Variants in KIF19 observed in about 807,000 individuals in gnomAD.
The protein encoded by KIF19 is kinesin-like protein KIF19.
Under a neutral mutation model 106.6 loss-of-function variants are expected in KIF19, and 98 were observed. The observed-to-expected ratio is 0.92, with a 90% CI of 0.78 to 1.09. The LOEUF is 1.09. Ranked by LOEUF, KIF19 falls within the 50% of genes least tolerant of loss-of-function variation. The pLI is 0.00. For synonymous variants in KIF19, 516 were observed against 584.2 expected, an observed-to-expected ratio of 0.88 and a Z score of 1.68; for missense variants, 1,373 against 1,414.3, an observed-to-expected ratio of 0.97 and a Z score of 0.47.
At chr17:74,342,401 C>T (rs73364525) in intron 3 of KIF19, among the ~76,000 whole-genome samples, 2,402 of 152,246 alleles carry the variant, frequency 0.016, 63 homozygotes, top group African/African-American at 0.055. Context: ...GGGCCAGGAG[C>T]CAGCTGCGCA....
At chr17:74,329,501 C>T (rs887839536) in intron 2 of KIF19, 2 of 147,326 alleles carry the variant, frequency 1.4e-5, no homozygotes, top group African/African-American at 5.0e-5. Flanking sequence ...GAGCTGAAAA[C>T]ATAAGGGGTG....
chr17:74,342,977 T>TGCCAAC, intron 4 of KIF19, 47 bp from the exon 5 acceptor site: 1 of 1,527,892 alleles, frequency 6.5e-7, no homozygotes, highest in Non-Finnish European at 8.8e-7. Flanking sequence ...CAGCAAGGCC[T>TGCCAAC]CCCTCCCAGC....
At chr17:74,342,576 C>T in intron 3 of KIF19, 54 bp from the exon 4 acceptor site, 1 of 1,382,252 alleles carries the variant, frequency 7.2e-7, no homozygotes, top group Non-Finnish European at 1.0e-6. Context: ...CCAGTGGGTG[C>T]CTGTGCTGTG....
rs778963923 is a variant in KIF19, at chr17:74,346,564, G to A, written c.924+40G>A. The A allele has an allele frequency of 1.5e-5, 23 of 1,534,042 alleles. No homozygotes were observed. Among genetic ancestry groups the A allele is most frequent in the Non-Finnish European group, 1.9e-5 (22 of 1,133,894 alleles). On this transcript the variant is annotated intron_variant, in intron 8 of 19. Coordinates refer to ENST00000389916, the MANE Select transcript of KIF19 (RefSeq NM_153209.4). This position sits in a 1 kb window ranked among gnomAD's most constrained non-coding sequence, Gnocchi z 4.6. ...TGGGCCTGGGCACTGGGCACCAAGG[G>A]TGAGGCTGCCAGATTAAACAAATGA...
Position 74,331,847 on chromosome 17 carries a change from G to A in KIF19, c.120+3342G>A, listed in dbSNP as rs924142098. ...CCGCCTCAGCCTCCCAAACTGTTGG[G>A]ATTACAGGTGTGAGCCACTGTGCCC... is the stretch of plus-strand genomic sequence containing the variant. On this transcript the variant is annotated intron_variant, in intron 2 of 19. Transcript: ENST00000389916. The surrounding 1 kb of genome is among the most constrained non-coding windows in gnomAD (Gnocchi z 4.1). Among the ~76,000 whole-genome samples the A allele has an allele frequency of 6.6e-6, 1 of 152,164 alleles. No homozygotes were observed. The highest frequency in any genetic ancestry group is 1.5e-5 in the Non-Finnish European group (1 of 68,030).
rs1598388758 is a variant in KIF19, at chr17:74,345,025, T to C, written c.777+70T>C. On this transcript the variant is annotated intron_variant, in intron 7 of 19. Transcript: ENST00000389916. ...AGGCAACAGCGGAGGGCAGGAATGGTGACTCCCATGCAAGGCCAGCACCAC... is the reference window on the plus strand; with the variant it reads ...AGGCAACAGCGGAGGGCAGGAATGGCGACTCCCATGCAAGGCCAGCACCAC... 4.3e-6 allele frequency: 6 copies of C among 1,410,444 alleles called. 1 individual carries two copies. The highest frequency in any genetic ancestry group is 2.4e-4 in the Middle Eastern group (1 of 4,086). 87.4% of individuals were successfully genotyped at this position (1,410,444 alleles called of 1,614,324 possible).
chr17:74,328,585 G>A (rs1359315771), intron 2 of KIF19, 80 bp downstream of exon 2: 6 of 1,217,274 alleles, frequency 4.9e-6, no homozygotes, highest in South Asian at 4.0e-5. Flanking sequence ...GGCAGAAAGG[G>A]CCCCTGTGGC....
intron 2 of KIF19, among the ~76,000 whole-genome samples, chr17:74,332,203 TGTGTGTTTGTGTGTG>T (rs2054107037): frequency 5.3e-5 from 3 of 56,608 alleles, no homozygotes; most frequent in Non-Finnish European, 9.7e-5. Context: ...TGTGTGTGTG[TGTGTGTTTGTGTGTG>T]TGTGTGTGTG....
intron 15 of KIF19, 59 bp downstream of exon 15, chr17:74,353,013 C>G: frequency 1.3e-6 from 2 of 1,597,352 alleles, no homozygotes; most frequent in South Asian, 1.1e-5. Flanking sequence ...GAGAGGCCAA[C>G]CCAGACTAAG....
At chr17:74,330,902 C>T (rs370807517) in intron 2 of KIF19, among the ~76,000 whole-genome samples, 1 of 152,134 alleles carries the variant, frequency 6.6e-6, no homozygotes, top group East Asian at 1.9e-4. Flanking sequence ...GGGCTTCTGG[C>T]CCTAAGCTCC....
At position 74,343,126 on chromosome 17, in the gene KIF19, A is replaced by G. The variant is rs1028450575; in HGVS notation, c.422A>G (p.Asp141Gly). ...CGTGCCATCGAGGAGACCAGCAATGACATGGAGTATGAGGTCTCCATGTCC... is the reference window on the plus strand; with the variant it reads ...CGTGCCATCGAGGAGACCAGCAATGGCATGGAGTATGAGGTCTCCATGTCC... ...LFRAIEETSN[D>G]MEYEVSMSYL... The change falls in exon 5 of 20, where the codon GAC becomes GGC. Residue 141 changes from aspartate (D) to glycine (G), a missense_variant. Asp to Gly is a moderately conservative substitution (Grantham distance 94, BLOSUM62 -1). Transcript: ENST00000389916. 2.0e-5 allele frequency: 33 copies of G among 1,612,952 alleles called. No individual in the cohort carries two copies. Among genetic ancestry groups the G allele is most frequent in the Non-Finnish European group, 2.5e-5 (30 of 1,179,810 alleles).
Position 74,344,788 on chromosome 17 carries a change from C to A in KIF19, c.610C>A (p.Arg204=). 6.8e-6 allele frequency: 11 copies of A among 1,609,894 alleles called. No homozygotes were observed. Among genetic ancestry groups the A allele is most frequent in the Non-Finnish European group, 7.6e-6 (9 of 1,177,518 alleles). The change falls in exon 7 of 20, where the codon CGG becomes AGG. Residue 204 remains arginine, a synonymous_variant. Coordinates refer to ENST00000389916, the MANE Select transcript of KIF19 (RefSeq NM_153209.4). ...CATGCAGCTGCTGATGAAGGGGAAC[C>A]GGCAGAGGACCCAGGAGCCCACGGC... ...EIMQLLMKGN[R]QRTQEPTAAN...
chr17:74,343,566 G>A (rs1439853105), intron 5 of KIF19, among the ~76,000 whole-genome samples: 1 of 152,186 alleles, frequency 6.6e-6, no homozygotes, highest in African/African-American at 2.4e-5. Context: ...CAGCCTCCTG[G>A]TGCCCACCCC....
intron 9 of KIF19, 94 bp downstream of exon 9, chr17:74,347,993 A>C: frequency 1.4e-6 from 2 of 1,405,698 alleles, no homozygotes; most frequent in Non-Finnish European, 1.9e-6. Flanking sequence ...CACTCTCTGG[A>C]ACCAGCCACT....
Position 74,341,868 on chromosome 17 carries a change from C to G in KIF19, c.121-8C>G, listed in dbSNP as rs1473568936. 1.2e-6 allele frequency: 2 copies of G among 1,609,904 alleles called. No homozygotes were observed. The highest frequency in any genetic ancestry group is 1.7e-6 in the Non-Finnish European group (2 of 1,176,436). ...GTGACCGTGGGCCTCCCTCTGGGGA[C>G]CTTGCAGATGGTGGTTCTCATGGAC... is the stretch of plus-strand genomic sequence containing the variant. On this transcript the variant is annotated splice_polypyrimidine_tract_variant and splice_region_variant and intron_variant, in intron 2 of 19. Coordinates refer to ENST00000389916, the MANE Select transcript of KIF19 (RefSeq NM_153209.4).
rs770638270 is a variant in KIF19 at position 74,344,867 on chromosome 17, A to T, written c.689A>T (p.Gln230Leu). The change falls in exon 7 of 20, where the codon CAG (glutamine) becomes CTG (leucine). Residue 230 changes from glutamine (Q) to leucine (L), a missense_variant. Gln to Leu is a moderately radical substitution (Grantham distance 113). This residue lies in a region of KIF19 where 348 missense variants were observed against 389.5 expected (regional missense o/e 0.89). Coordinates refer to ENST00000389916, the MANE Select transcript of KIF19 (RefSeq NM_153209.4). ...GCGGTACTGCAGGTGACCGTGCGCC[A>T]GCGCAGCCGGGTCAAGAACATCTTG... Reference protein sequence around the residue: ...SHAVLQVTVRQRSRVKNILQE... With the variant: ...SHAVLQVTVRLRSRVKNILQE... 14 of 1,612,686 alleles carry T rather than the reference A, an allele frequency of 8.7e-6. No individual in the cohort carries two copies. The highest frequency in any genetic ancestry group is 1.1e-5 in the Non-Finnish European group (13 of 1,179,826).
rs2054464129 is a variant in KIF19, at chr17:74,344,216, C to T, written c.457-7C>T. 1.4e-5 allele frequency: 22 copies of T among 1,610,732 alleles called. No individual in the cohort carries two copies. Among genetic ancestry groups the T allele is most frequent in the Non-Finnish European group, 1.8e-5 (21 of 1,178,774 alleles). ...TTCCCCCACCCCTCCCCCACCTGTC[C>T]CGTCAGATCTACAATGAGATGATCC... On this transcript the variant is annotated splice_polypyrimidine_tract_variant and splice_region_variant and intron_variant, in intron 5 of 19. Transcript: ENST00000389916.
At chr17:74,345,539 G>A (rs1384386888) in intron 7 of KIF19, among the ~76,000 whole-genome samples, 1 of 152,084 alleles carries the variant, frequency 6.6e-6, no homozygotes, top group Non-Finnish European at 1.5e-5. Flanking sequence ...CCTGCTTGCC[G>A]AGCTCTGCAG....
chr17:74,350,155 G>A (rs976508386), intron 10 of KIF19, among the ~76,000 whole-genome samples: 2 of 152,148 alleles, frequency 1.3e-5, no homozygotes, highest in African/African-American at 2.4e-5. Context: ...TGCTGTAAGG[G>A]TTAGCAGGAG....
Sources: allele counts gnomAD v4.1 joint callset (sites outside exome capture counted in the v4.1 genomes callset), GRCh38; gene constraint gnomAD v4.1.1; regional missense constraint gnomAD v4.1.1; non-coding constraint Gnocchi (gnomAD v3.1); transcripts MANE v1.5; gene names NCBI Gene and HGNC (gene_info 2026-07-23, HGNC 2026-07-21).